The following ROR2 variants were observed in gnomAD, a reference collection of about 807,000 sequenced individuals.
ROR2 encodes ROR family WNT receptor 2.
In ROR2, 33 loss-of-function variants were observed where a neutral mutation model predicts 74.9. The ratio of observed to expected loss-of-function variants is 0.44; its 90% CI spans 0.33 to 0.59. The LOEUF (loss-of-function observed/expected upper bound fraction) is 0.59, where lower values mean the gene tolerates loss of function less well. Among genes scored for constraint, ROR2 ranks in the 20% least tolerant of loss-of-function variants. The pLI, the probability that ROR2 is intolerant of heterozygous loss-of-function variation, is 0.02. For synonymous variants in ROR2, 586 were observed against 558.7 expected (o/e 1.05, Z -0.69); for missense variants, 1,216 against 1,313.8 (o/e 0.93, Z 1.15).
chr9:91,729,608 C>T (rs1485063653), intron 7 of ROR2, among the ~76,000 whole-genome samples: 2 of 152,206 alleles, frequency 1.3e-5, no homozygotes, highest in Admixed American at 1.3e-4. Context: ...AGCCCAGCCT[C>T]GCTTCACCGG....
intron 1 of ROR2, among the ~76,000 whole-genome samples, chr9:91,794,868 T>A (rs1238081271): frequency 1.3e-5 from 2 of 152,168 alleles, no homozygotes; most frequent in Non-Finnish European, 2.9e-5. Flanking sequence ...ATACCTGTAA[T>A]CCCAGCACTT....
At chr9:91,805,750 C>G (rs7036027) in intron 1 of ROR2, among the ~76,000 whole-genome samples, 3 of 152,066 alleles carry the variant, frequency 2.0e-5, no homozygotes, top group Non-Finnish European at 4.4e-5. Context: ...AACCCAACGC[C>G]GAGGGGTGAA....
intron 1 of ROR2, among the ~76,000 whole-genome samples, chr9:91,862,668 C>CAAA (rs113052659): frequency 5.4e-4 from 81 of 150,352 alleles, no homozygotes; most frequent in Admixed American, 4.4e-3. Flanking sequence ...TCTCAAAAAA[C>CAAA]AAAAAAAAAG....
chr9:91,853,836 G>A (rs1473655608), intron 1 of ROR2, among the ~76,000 whole-genome samples: 1 of 152,218 alleles, frequency 6.6e-6, no homozygotes, highest in Admixed American at 6.5e-5. Flanking sequence ...GTGGGAAATG[G>A]CAGAGAGACA....
intron 3 of ROR2, 78 bp from the exon 4 acceptor site, chr9:91,756,179 G>T: frequency 6.9e-7 from 1 of 1,459,068 alleles, no homozygotes; most frequent in Non-Finnish European, 9.6e-7. Context: ...CAGGCCAGTG[G>T]CAAACAGGCT....
intron 1 of ROR2, among the ~76,000 whole-genome samples, chr9:91,798,993 T>C (rs1032622384): frequency 2.0e-5 from 3 of 152,130 alleles, no homozygotes; most frequent in Non-Finnish European, 2.9e-5. Context: ...ATTAAGAATT[T>C]CCACACAGAA....
chr9:91,871,707 G>A (rs1829803306), intron 1 of ROR2, among the ~76,000 whole-genome samples: 1 of 152,158 alleles, frequency 6.6e-6, no homozygotes, highest in South Asian at 2.1e-4. Flanking sequence ...AATGAAGCCT[G>A]TAAGTGGCCA....
chr9:91,852,773 G>A (rs1162573330), intron 1 of ROR2, among the ~76,000 whole-genome samples: 2 of 152,202 alleles, frequency 1.3e-5, no homozygotes, highest in Non-Finnish European at 2.9e-5. Flanking sequence ...AAGAGGACAA[G>A]GATGCCTATA....
At chr9:91,764,784 G>C (rs912899574) in intron 2 of ROR2, among the ~76,000 whole-genome samples, 1 of 152,128 alleles carries the variant, frequency 6.6e-6, no homozygotes, top group Admixed American at 6.5e-5. Flanking sequence ...AAGGACTAAG[G>C]CTGCAAACAC....
intron 1 of ROR2, among the ~76,000 whole-genome samples, chr9:91,776,155 G>A (rs1826415348): frequency 6.6e-6 from 1 of 152,182 alleles, no homozygotes; most frequent in Non-Finnish European, 1.5e-5. Context: ...GCACTGGCTG[G>A]CAAAATCAAA....
intron 1 of ROR2, among the ~76,000 whole-genome samples, chr9:91,878,594 G>A (rs1400916135): frequency 6.6e-6 from 1 of 152,178 alleles, no homozygotes; most frequent in Non-Finnish European, 1.5e-5. Flanking sequence ...TGCCTGGCTG[G>A]GCTCAAATTG....
chr9:91,915,370 C>T (rs964346251), intron 1 of ROR2, among the ~76,000 whole-genome samples: 1 of 152,152 alleles, frequency 6.6e-6, no homozygotes, highest in Non-Finnish European at 1.5e-5. Flanking sequence ...TTGTTCCTTC[C>T]GGTAGGTTCA....
chr9:91,834,261 G>A (rs1389927348), intron 1 of ROR2, among the ~76,000 whole-genome samples: 1 of 152,170 alleles, frequency 6.6e-6, no homozygotes, highest in Non-Finnish European at 1.5e-5. Flanking sequence ...CTTGCCCAGA[G>A]CCCCAGCTGT....
At chr9:91,760,558 C>G (rs1055000797) in intron 2 of ROR2, among the ~76,000 whole-genome samples, 8 of 150,202 alleles carry the variant, frequency 5.3e-5, no homozygotes, top group African/African-American at 2.0e-4. Context: ...GGCGTGAACC[C>G]GGGAGGCGGA....
chr9:91,725,367 C>T (rs930976364), intron 8 of ROR2, among the ~76,000 whole-genome samples: 51 of 152,288 alleles, frequency 3.3e-4, no homozygotes, highest in South Asian at 8.3e-4. Context: ...AAGGTCCCTC[C>T]AAAATCCAGC....
intron 1 of ROR2, among the ~76,000 whole-genome samples, chr9:91,778,178 A>G (rs974212391): frequency 6.6e-6 from 1 of 152,368 alleles, no homozygotes; most frequent in Non-Finnish European, 1.5e-5. Context: ...GGTGACTCGC[A>G]GGATCAGGGA....
At chr9:91,865,772 C>T (rs998475539) in intron 1 of ROR2, among the ~76,000 whole-genome samples, 4 of 152,194 alleles carry the variant, frequency 2.6e-5, no homozygotes, top group African/African-American at 9.7e-5. Context: ...TTGGGGGCCA[C>T]ATCAACCTGC....
At chr9:91,917,329 G>A (rs1479051365) in intron 1 of ROR2, among the ~76,000 whole-genome samples, 2 of 152,160 alleles carry the variant, frequency 1.3e-5, no homozygotes, top group East Asian at 1.9e-4. Flanking sequence ...ACCCAGACAC[G>A]TGCGAGAAGA....
Position 91,948,638 on chromosome 9 carries a change from C to T in ROR2, c.97+1229G>A, listed in dbSNP as rs942289766. 4.8e-5 allele frequency: 47 copies of T among 985,412 alleles called. 1 individual carries two copies. Among genetic ancestry groups the T allele is most frequent in the Non-Finnish European group, 6.0e-6 (5 of 829,990 alleles). The allele number at this position is 985,412 out of a possible 1,614,324, so 61.0% of individuals were successfully genotyped here. A position where few individuals can be genotyped will look rare whatever the true frequency, so the allele number is the denominator to read the frequency against. ...CCGGCTAGGGCGGCAGGCCAGGATA[C>T]CTGGAGCGCGCAGCTCCCAGCAGGA... On this transcript the variant is annotated intron_variant, in intron 1 of 8. Transcript: ENST00000375708.
Sources: gnomAD v4.1 joint callset for allele counts (sites outside exome capture counted in the v4.1 genomes callset) on GRCh38, gnomAD v4.1.1 for gene constraint, MANE v1.5 for transcripts, NCBI Gene and HGNC (gene_info 2026-07-23, HGNC 2026-07-21) for gene names.